The following PSEN1 variants were observed in gnomAD, a reference collection of about 807,000 sequenced individuals.
PSEN1 encodes presenilin 1.
Under a neutral mutation model 53.5 loss-of-function variants are expected in PSEN1, and 15 were observed. That is an observed-to-expected ratio of 0.28 (90% confidence interval 0.19 to 0.43). PSEN1 has a LOEUF of 0.43. PSEN1 is among the 20% of genes least tolerant of loss of function. The pLI is 1.00. For missense variants in PSEN1, 387 were observed against 571.2 expected (o/e 0.68, Z 3.29); for synonymous variants, 208 against 209.8 (o/e 0.99, Z 0.08).
At chr14:73,196,238 A>G (rs1356686492) in intron 7 of PSEN1, among the ~76,000 whole-genome samples, 1 of 152,104 alleles carries the variant, frequency 6.6e-6, no homozygotes, top group African/African-American at 2.4e-5. Context: ...AGAGTGTATC[A>G]TAAAACTGAA....
At chr14:73,202,462 A>ATATAT (rs1466249857) in intron 8 of PSEN1, among the ~76,000 whole-genome samples, 1 of 11,534 alleles carries the variant, frequency 8.7e-5, no homozygotes. Flanking sequence ...ATATATATAT[A>ATATAT]TTTTTTTTTT....
intron 7 of PSEN1, 87 bp downstream of exon 7, chr14:73,192,951 A>C (rs1191554394): frequency 1.9e-6 from 2 of 1,052,020 alleles, no homozygotes; most frequent in Non-Finnish European, 1.5e-6. Flanking sequence ...TGATTTAGAG[A>C]AAATGGTAAC....
chr14:73,217,093 A>T (rs771225789), intron 10 of PSEN1, 33 bp from the exon 11 acceptor site: 1 of 1,612,822 alleles, frequency 6.2e-7, no homozygotes, highest in Non-Finnish European at 8.5e-7. Flanking sequence ...AAGAGTGACC[A>T]ACTTTTTAAT....
rs886050677 is a variant in PSEN1, at chr14:73,222,047, T to C, written c.*2758T>C. The C allele has an allele frequency of 3.9e-5, 6 of 152,188 alleles. No individual in the cohort carries two copies. Among genetic ancestry groups the C allele is most frequent in the Non-Finnish European group, 8.8e-5 (6 of 68,020 alleles). 9.4% of individuals were successfully genotyped at this position (152,188 alleles called of 1,614,324 possible). On this transcript the variant is annotated 3_prime_UTR_variant, in exon 12 of 12. Coordinates refer to ENST00000324501, the MANE Select transcript of PSEN1 (RefSeq NM_000021.4). ...TGGACAGAATGTCATTACATGCCTA[T>C]GGGAATACCAATCATATTTGGAAGA...
chr14:73,141,660 C>T (rs1321936436), intron 1 of PSEN1, among the ~76,000 whole-genome samples: 1 of 152,120 alleles, frequency 6.6e-6, no homozygotes, highest in Admixed American at 6.5e-5. Context: ...TGGTGGGCGT[C>T]TGTAATCCTA....
chr14:73,158,587 G>A (rs983477764), intron 3 of PSEN1, among the ~76,000 whole-genome samples: 6 of 152,172 alleles, frequency 3.9e-5, no homozygotes, highest in Admixed American at 2.0e-4. Context: ...CCCCCAAAGT[G>A]TTGGGATTAC....
chr14:73,157,329 G>T (rs1195181592), intron 3 of PSEN1, among the ~76,000 whole-genome samples: 1 of 151,482 alleles, frequency 6.6e-6, no homozygotes, highest in Non-Finnish European at 1.5e-5. Flanking sequence ...AGTACAGATG[G>T]GGTTTCACCG....
chr14:73,182,633 C>A (rs1898255635), intron 5 of PSEN1, among the ~76,000 whole-genome samples: 1 of 152,170 alleles, frequency 6.6e-6, no homozygotes, highest in Non-Finnish European at 1.5e-5. Flanking sequence ...CACTTGAGAT[C>A]AGGAGTTCAA....
At chr14:73,158,704 C>T (rs1451693073) in intron 3 of PSEN1, among the ~76,000 whole-genome samples, 1 of 152,154 alleles carries the variant, frequency 6.6e-6, no homozygotes, top group Non-Finnish European at 1.5e-5. Flanking sequence ...TCAAGTGATC[C>T]TCCCGCCTTG....
intron 5 of PSEN1, among the ~76,000 whole-genome samples, chr14:73,180,718 C>T (rs1286359761): frequency 6.6e-6 from 1 of 152,172 alleles, no homozygotes; most frequent in Non-Finnish European, 1.5e-5. Flanking sequence ...AACAGCAGGG[C>T]TGTTTTCTTT....
Position 73,192,921 on chromosome 14 carries a change from C to G in PSEN1, c.769+57C>G, listed in dbSNP as rs1898785246. The G allele has an allele frequency of 3.1e-6, 4 of 1,284,786 alleles. No homozygotes were observed. In the East Asian group the frequency reaches 9.2e-5, roughly 30 times the overall value. 79.6% of individuals were successfully genotyped at this position (1,284,786 alleles called of 1,614,324 possible). The stretch of plus-strand genomic sequence containing the variant: ...CAGGAATGCCCCACTGGAGTGTTTT[C>G]TTTCCTCATCTCTTTATCTTGATTT... On this transcript the variant is annotated intron_variant, in intron 7 of 11. Transcript: ENST00000324501.
chr14:73,183,362 T>C (rs1247819622), intron 5 of PSEN1, among the ~76,000 whole-genome samples: 4 of 151,850 alleles, frequency 2.6e-5, no homozygotes, highest in Admixed American at 6.6e-5. Context: ...TTTGGCAGGG[T>C]CATAGGACAA....
At chr14:73,195,809 C>A (rs1898917466) in intron 7 of PSEN1, among the ~76,000 whole-genome samples, 1 of 152,164 alleles carries the variant, frequency 6.6e-6, no homozygotes, top group South Asian at 2.1e-4. Context: ...AGCCACTATA[C>A]CCAGCCCAGT....
rs547689473 is a variant in PSEN1, at chr14:73,189,095, T to A, written c.548+2175T>A. Among the ~76,000 whole-genome samples the A allele has an allele frequency of 2.0e-5, 3 of 152,272 alleles. No individual in the cohort carries two copies. In the South Asian group the frequency reaches 6.2e-4, roughly 32 times the overall value. On this transcript the variant is annotated intron_variant, in intron 6 of 11. Coordinates refer to ENST00000324501, the MANE Select transcript of PSEN1 (RefSeq NM_000021.4). Reference sequence around the variant, plus strand: ...CGTGAGCCACTGTGCCTGGCTGAGATGAAGGTTTTCTTTATCACCAATTAT... The same window carrying A: ...CGTGAGCCACTGTGCCTGGCTGAGAAGAAGGTTTTCTTTATCACCAATTAT...
intron 5 of PSEN1, among the ~76,000 whole-genome samples, chr14:73,186,559 T>C (rs924541648): frequency 6.6e-6 from 1 of 152,068 alleles, no homozygotes; most frequent in Admixed American, 6.6e-5. Flanking sequence ...GGCGGATCAC[T>C]TGAGGTCAGG....
chr14:73,152,115 G>T (rs1347141351), intron 3 of PSEN1, among the ~76,000 whole-genome samples: 3 of 147,120 alleles, frequency 2.0e-5, no homozygotes, highest in African/African-American at 7.5e-5. Context: ...GTTTCACCGT[G>T]TTAGCCAGGA....
chr14:73,159,509 G>A (rs1897465343), intron 3 of PSEN1, among the ~76,000 whole-genome samples: 1 of 152,044 alleles, frequency 6.6e-6, no homozygotes, highest in Non-Finnish European at 1.5e-5. Flanking sequence ...ATTGTTATAC[G>A]TGGTCCAAGG....
chr14:73,159,690 G>A (rs1897470512), intron 3 of PSEN1, among the ~76,000 whole-genome samples: 2 of 152,152 alleles, frequency 1.3e-5, no homozygotes, highest in African/African-American at 2.4e-5. Context: ...TTCTCATGGG[G>A]AGGCTTTTGA....
Position 73,170,999 on chromosome 14 carries a change from T to C in PSEN1, c.290T>C (p.Val97Ala), listed in dbSNP as rs1356498068. 6.2e-7 allele frequency: 1 copy of C among 1,614,198 alleles called. No homozygotes were observed. Among genetic ancestry groups the C allele is most frequent in the Non-Finnish European group, 8.5e-7 (1 of 1,180,034 alleles). Residue 97 changes from valine to alanine, a missense_variant, in exon 4 of 12, where the codon GTG becomes GCG. Val to Ala is a moderately conservative substitution (Grantham distance 64). Coordinates refer to ENST00000324501, the MANE Select transcript of PSEN1 (RefSeq NM_000021.4). ...GTGACTCTCTGCATGGTGGTGGTCGTGGCTACCATTAAGTCAGTCAGCTTT... is the reference window on the plus strand; with the variant it reads ...GTGACTCTCTGCATGGTGGTGGTCGCGGCTACCATTAAGTCAGTCAGCTTT... ...VPVTLCMVVV[V>A]ATIKSVSFYT... is the part of the protein sequence containing the mutation.
Sources: gnomAD v4.1 joint callset for allele counts (sites outside exome capture counted in the v4.1 genomes callset) on GRCh38, gnomAD v4.1.1 for gene constraint, MANE v1.5 for transcripts, NCBI Gene and HGNC (gene_info 2026-07-23, HGNC 2026-07-21) for gene names.